The following RABGAP1L variants were observed in gnomAD, a reference collection of about 807,000 sequenced individuals.
The protein encoded by RABGAP1L is RAB GTPase activating protein 1 like, also known as rab GTPase-activating protein 1-like.
A neutral mutation model predicts 137.7 loss-of-function variants in RABGAP1L; 63 were observed. That is an observed-to-expected ratio of 0.46 (90% CI 0.37 to 0.56). The LOEUF is 0.56. Among genes scored for constraint, RABGAP1L ranks in the 20% least tolerant of loss-of-function variants. The pLI, the probability that RABGAP1L is intolerant of heterozygous loss-of-function variation, is 0.00. For synonymous variants in RABGAP1L, 431 were observed against 433.7 expected (o/e 0.99, Z 0.08); for missense variants, 1,095 against 1,244.0 (o/e 0.88, Z 1.80).
intron 13 of RABGAP1L, among the ~76,000 whole-genome samples, chr1:174,630,068 A>G (rs1295756202): frequency 6.6e-6 from 1 of 150,736 alleles, no homozygotes; most frequent in Non-Finnish European, 1.5e-5. Flanking sequence ...AATACGTCCC[A>G]TCAATACCTA....
rs79257738 is a variant in RABGAP1L, at chr1:174,399,096, G to A, written c.1710+4951G>A. 8.0e-3 allele frequency among the ~76,000 whole-genome samples: 1,215 copies of A among 152,208 alleles called. 7 individuals are homozygous for A. Among genetic ancestry groups the A allele is most frequent in the South Asian group, 0.022 (107 of 4,820 alleles). On this transcript the variant is annotated intron_variant, in intron 13 of 25. Transcript: ENST00000681986. ...GAAATGTGTGGCTCTAATCATGTGC[G>A]TTTATTCAGGGTCTCAAATCATAAG... is the stretch of plus-strand genomic sequence containing the variant.
intron 13 of RABGAP1L, among the ~76,000 whole-genome samples, chr1:174,575,567 A>G (rs1259741399): frequency 2.0e-5 from 3 of 152,202 alleles, no homozygotes; most frequent in Non-Finnish European, 2.9e-5. Context: ...AAGAAAATGC[A>G]ACTGAGAGAT....
intron 13 of RABGAP1L, among the ~76,000 whole-genome samples, chr1:174,419,313 G>C (rs908220753): frequency 6.6e-6 from 1 of 152,176 alleles, no homozygotes; most frequent in African/African-American, 2.4e-5. Context: ...TTTCGAACAA[G>C]CTATCAGGCA....
intron 11 of RABGAP1L, among the ~76,000 whole-genome samples, chr1:174,339,862 C>T (rs1394933062): frequency 6.6e-6 from 1 of 152,122 alleles, no homozygotes; most frequent in Non-Finnish European, 1.5e-5. Flanking sequence ...CCACCTCAGC[C>T]TCCCAAAGTG....
rs538006534 is a variant in RABGAP1L at position 174,637,366 on chromosome 1, C to G, written c.1711-9C>G. 4 of 1,578,732 alleles carry G rather than the reference C, an allele frequency of 2.5e-6. No homozygotes were observed. Among genetic ancestry groups the G allele is most frequent in the Admixed American group, 3.5e-5 (2 of 57,896 alleles). ...TTTAATAACCAGGTCTATTTTCTTT[C>G]TTTTTTAGGACTCAGCCCAGGAGAG... On this transcript the variant is annotated splice_polypyrimidine_tract_variant and intron_variant, in intron 13 of 25. Coordinates refer to ENST00000681986, the MANE Select transcript of RABGAP1L (RefSeq NM_001366446.1).
intron 21 of RABGAP1L, among the ~76,000 whole-genome samples, chr1:174,971,620 A>T (rs1322585194): frequency 6.6e-6 from 1 of 152,228 alleles, no homozygotes; most frequent in Non-Finnish European, 1.5e-5. Flanking sequence ...TGTTTCATGC[A>T]TATTTCCTCC....
intron 13 of RABGAP1L, among the ~76,000 whole-genome samples, chr1:174,435,800 C>T (rs889032043): frequency 2.2e-5 from 3 of 133,356 alleles, no homozygotes; most frequent in East Asian, 2.0e-4. Flanking sequence ...TGCTATCCCT[C>T]CCCTCTCCCC....
chr1:174,441,078 A>C (rs1654082802), intron 13 of RABGAP1L, among the ~76,000 whole-genome samples: 1 of 149,972 alleles, frequency 6.7e-6, no homozygotes, highest in Non-Finnish European at 1.5e-5. Flanking sequence ...AAAGAATAAA[A>C]CATATCCAAT....
chr1:174,907,923 C>A (rs1013692396), intron 19 of RABGAP1L, among the ~76,000 whole-genome samples: 1 of 152,122 alleles, frequency 6.6e-6, no homozygotes, highest in Non-Finnish European at 1.5e-5. Context: ...CTTCAAGAAA[C>A]CCATTTCACC....
Position 174,539,285 on chromosome 1 carries a change from C to CT in RABGAP1L, c.1711-98082dup, listed in dbSNP as rs936355820. Among the ~76,000 whole-genome samples, 244 of 150,448 alleles carry CT rather than the reference C, an allele frequency of 1.6e-3. 2 individuals are homozygous for CT. Among genetic ancestry groups the CT allele is most frequent in the South Asian group, 4.4e-3 (21 of 4,742 alleles). ...TTTATTTTTTTCATTTCTTTTTTTT[C>CT]TTTTTTTTATTATTTTCTTTATTAT... On this transcript the variant is annotated intron_variant, in intron 13 of 25. Coordinates refer to ENST00000681986, the MANE Select transcript of RABGAP1L (RefSeq NM_001366446.1).
At chr1:174,951,993 A>G (rs1035502332) in intron 19 of RABGAP1L, among the ~76,000 whole-genome samples, 4 of 152,200 alleles carry the variant, frequency 2.6e-5, no homozygotes, top group African/African-American at 9.7e-5. Context: ...GATCAACTTG[A>G]AAAATCTTTA....
intron 17 of RABGAP1L, among the ~76,000 whole-genome samples, chr1:174,730,820 C>A (rs1682401653): frequency 6.6e-6 from 1 of 152,068 alleles, no homozygotes; most frequent in Non-Finnish European, 1.5e-5. Context: ...AAAATGACTT[C>A]TCAGAAATGT....
chr1:174,323,872 G>C (rs996248985), intron 11 of RABGAP1L, among the ~76,000 whole-genome samples: 1 of 152,052 alleles, frequency 6.6e-6, no homozygotes, highest in Non-Finnish European at 1.5e-5. Flanking sequence ...GTTATTAAAG[G>C]CTTGAAAAGG....
At chr1:174,847,752 T>C (rs1573482175) in intron 19 of RABGAP1L, among the ~76,000 whole-genome samples, 1 of 111,006 alleles carries the variant, frequency 9.0e-6, no homozygotes. Context: ...TTCTCTGTAT[T>C]TCCTGAGTCT....
intron 13 of RABGAP1L, among the ~76,000 whole-genome samples, chr1:174,436,139 A>G (rs1653267248): frequency 6.6e-6 from 1 of 152,192 alleles, no homozygotes; most frequent in South Asian, 2.1e-4. Context: ...TCTTTATAGC[A>G]GCATGATTTA....
At chr1:174,228,446 T>C (rs538353480) in intron 3 of RABGAP1L, among the ~76,000 whole-genome samples, 2 of 152,296 alleles carry the variant, frequency 1.3e-5, no homozygotes, top group East Asian at 1.9e-4. Flanking sequence ...ATCAGTCTTA[T>C]TGTTGCTGCA....
intron 13 of RABGAP1L, among the ~76,000 whole-genome samples, chr1:174,456,010 G>C (rs940933047): frequency 6.6e-6 from 1 of 152,062 alleles, no homozygotes. Flanking sequence ...GCTGGTAATA[G>C]AGTGACCTGA....
intron 17 of RABGAP1L, among the ~76,000 whole-genome samples, chr1:174,734,774 T>G: frequency 6.6e-6 from 1 of 152,182 alleles, no homozygotes; most frequent in East Asian, 1.9e-4. Context: ...CCTTCGTTCA[T>G]CATGTCCAAT....
intron 7 of RABGAP1L, among the ~76,000 whole-genome samples, chr1:174,261,335 T>G (rs1192942140): frequency 6.6e-6 from 1 of 152,196 alleles, no homozygotes; most frequent in East Asian, 1.9e-4. Flanking sequence ...TAAATGACAG[T>G]GATCATATCA....
Sources: gnomAD v4.1 joint callset for allele counts (sites outside exome capture counted in the v4.1 genomes callset) on GRCh38, gnomAD v4.1.1 for gene constraint, MANE v1.5 for transcripts, NCBI Gene and HGNC (gene_info 2026-07-23, HGNC 2026-07-21) for gene names.